Variants in ZNF674 observed in about 807,000 individuals in gnomAD.
ZNF674 encodes zinc finger family member 674.
Under a neutral mutation model 7.0 loss-of-function variants are expected in ZNF674, and 2 were observed. The observed-to-expected ratio is 0.29, with a 90% CI of 0.12 to 0.90. ZNF674 has a LOEUF of 0.90. Ranked by LOEUF, ZNF674 falls within the 40% of genes least tolerant of loss-of-function variation. The pLI, the probability that ZNF674 is intolerant of heterozygous loss-of-function variation, is 0.57. For missense variants in ZNF674, 297 were observed against 415.5 expected (o/e 0.71, Z 2.48); for synonymous variants, 103 against 145.2 (o/e 0.71, Z 2.09).
rs1556015268 is a variant in ZNF674, at chrX:46,519,264, A to AGAT, written c.238+9085_238+9086insATC. Among the ~76,000 whole-genome samples, 216 of 57,795 alleles carry AGAT rather than the reference A, an allele frequency of 3.7e-3. 1 individual carries two copies. Among genetic ancestry groups the AGAT allele is most frequent in the Non-Finnish European group, 4.3e-3 (130 of 29,918 alleles). The allele number at this position is 57,795 out of a possible 115,157, so 50.2% of individuals were successfully genotyped here. ...TAGATAGATAGATAGATAGATAGAT[A>AGAT]AAGATAGATGATAGATAGATAGATA... On this transcript the variant is annotated intron_variant, in intron 5 of 5. Transcript: ENST00000683375.
intron 5 of ZNF674, among the ~76,000 whole-genome samples, chrX:46,511,583 T>C (rs946107928): frequency 8.9e-6 from 1 of 112,404 alleles, no homozygotes; most frequent in African/African-American, 3.2e-5. Context: ...TCCCAACTCA[T>C]TTCTAAACAC....
At chrX:46,520,718 T>G (rs1435543032) in intron 5 of ZNF674, among the ~76,000 whole-genome samples, 2 of 111,215 alleles carry the variant, frequency 1.8e-5, no homozygotes, top group Non-Finnish European at 3.8e-5. Flanking sequence ...AAGAAAGAAA[T>G]AATAAAATGG....
chrX:46,506,795 A>T (rs1941548642), intron 5 of ZNF674, among the ~76,000 whole-genome samples: 1 of 111,470 alleles, frequency 9.0e-6, no homozygotes, highest in South Asian at 3.8e-4. Flanking sequence ...ACCAATGAGG[A>T]AGGGGGCATG....
At chrX:46,529,018 T>C in intron 3 of ZNF674, 109 bp from the exon 4 acceptor site, 2 of 1,181,371 alleles carry the variant, frequency 1.7e-6, no homozygotes, top group East Asian at 3.0e-5. Flanking sequence ...GTCCTTTACA[T>C]GTACTAAAGA....
intron 3 of ZNF674, among the ~76,000 whole-genome samples, chrX:46,534,807 C>G (rs1270397942): frequency 9.1e-6 from 1 of 109,390 alleles, no homozygotes; most frequent in Non-Finnish European, 1.9e-5. Context: ...GTGTTGTGAT[C>G]TCAGCTCACT....
At chrX:46,531,127 C>T (rs1349253070) in intron 3 of ZNF674, among the ~76,000 whole-genome samples, 1 of 113,170 alleles carries the variant, frequency 8.8e-6, no homozygotes, top group Non-Finnish European at 1.9e-5. Context: ...TGGGTGGGTT[C>T]AGACAGCTTC....
intron 3 of ZNF674, among the ~76,000 whole-genome samples, chrX:46,531,408 T>A (rs1942105786): frequency 8.9e-6 from 1 of 112,064 alleles, no homozygotes; most frequent in African/African-American, 3.2e-5. Context: ...GATACCCTAC[T>A]CGAGACTGGC....
intron 3 of ZNF674, among the ~76,000 whole-genome samples, chrX:46,539,678 A>C (rs1569484186): frequency 8.9e-6 from 1 of 112,625 alleles, no homozygotes; most frequent in East Asian, 2.8e-4. Context: ...TTGGTTGCCA[A>C]AACTTGGGGA....
In ZNF674 at chrX:46,500,686, A is replaced by C. The variant is rs1941406010; in HGVS notation, c.888T>G (p.Thr296=). The C allele has an allele frequency of 8.3e-7, 1 of 1,210,388 alleles. No homozygotes were observed. Among genetic ancestry groups the C allele is most frequent in the African/African-American group, 1.7e-5 (1 of 57,329 alleles). Residue 296 remains threonine (T), a synonymous_variant, in exon 6 of 6, where the codon ACT becomes ACG. Coordinates refer to ENST00000683375, the MANE Select transcript of ZNF674 (RefSeq NM_001190417.2). ...ATACAAATGGTTTCTCTCCTGTATGAGTTCGTTGATGTTTAATCAGAGTTG... is the reference window on the plus strand; with the variant it reads ...ATACAAATGGTTTCTCTCCTGTATGCGTTCGTTGATGTTTAATCAGAGTTG... ...QKSTLIKHQR[T]HTGEKPFVCD...
At chrX:46,511,960 C>G (rs1941662226) in intron 5 of ZNF674, among the ~76,000 whole-genome samples, 1 of 108,478 alleles carries the variant, frequency 9.2e-6, no homozygotes. Flanking sequence ...GAGGTGGAGG[C>G]TGCAATAAGC....
intron 5 of ZNF674, among the ~76,000 whole-genome samples, chrX:46,509,433 A>G (rs1250634302): frequency 2.8e-5 from 3 of 108,730 alleles, no homozygotes; most frequent in African/African-American, 1.0e-4. Context: ...AATTCAAACA[A>G]ATTTACAAGA....
intron 3 of ZNF674, among the ~76,000 whole-genome samples, chrX:46,540,253 AAAAG>A (rs1942270879): frequency 9.0e-6 from 1 of 111,277 alleles, no homozygotes; most frequent in Admixed American, 9.6e-5. Context: ...CAAAAAAAAA[AAAAG>A]AAAGATTCAT....
At position 46,499,703 on chromosome X, in the gene ZNF674, A is replaced by G. The variant is rs745739503; in HGVS notation, c.*140T>C. 6 of 471,872 alleles carry G rather than the reference A, an allele frequency of 1.3e-5. No individual in the cohort carries two copies. The East Asian group carries it at 1.6e-4, about 12-fold the overall frequency. 38.9% of individuals were successfully genotyped at this position (471,872 alleles called of 1,213,427 possible). ...ACTTTTGTACTTTGTATTAAGTTAAATGAACATTAACATATGAAGAATTTC... is the reference window on the plus strand; with the variant it reads ...ACTTTTGTACTTTGTATTAAGTTAAGTGAACATTAACATATGAAGAATTTC... On this transcript the variant is annotated 3_prime_UTR_variant, in exon 6 of 6. Coordinates refer to ENST00000683375, the MANE Select transcript of ZNF674 (RefSeq NM_001190417.2).
chrX:46,509,684 G>C (rs1364821466), intron 5 of ZNF674, among the ~76,000 whole-genome samples: 3 of 96,815 alleles, frequency 3.1e-5, no homozygotes, highest in Non-Finnish European at 6.2e-5. Flanking sequence ...CTTTTACACT[G>C]TTGGTGGGAC....
intron 2 of ZNF674, among the ~76,000 whole-genome samples, chrX:46,542,949 C>CT (rs201823122): frequency 0.026 from 2,654 of 102,991 alleles, 76 homozygotes; most frequent in African/African-American, 0.083. Context: ...AGCATTTATT[C>CT]TTTTTTTTGT....
rs750102635 is a variant in ZNF674 at position 46,501,908 on chromosome X, T to TTATATA, written c.239-579_239-574dup. 4.2e-3 allele frequency among the ~76,000 whole-genome samples: 440 copies of TTATATA among 104,277 alleles called. 3 individuals are homozygous for TTATATA. Among genetic ancestry groups the TTATATA allele is most frequent in the African/African-American group, 0.015 (415 of 28,166 alleles). 90.6% of individuals were successfully genotyped at this position (104,277 alleles called of 115,157 possible). ...TTAACAAGCATGGGAGCCCTTGCAGTTATATATATATATATATACACATAC... is the reference window on the plus strand; with the variant it reads ...TTAACAAGCATGGGAGCCCTTGCAGTTATATATATATATATATATATATACACATAC... On this transcript the variant is annotated intron_variant, in intron 5 of 5. Transcript: ENST00000683375.
intron 2 of ZNF674, among the ~76,000 whole-genome samples, chrX:46,544,211 T>C (rs1942339398): frequency 8.9e-6 from 1 of 112,958 alleles, no homozygotes; most frequent in South Asian, 3.6e-4. Context: ...CACTGTCACA[T>C]GGTCCTCCAT....
Position 46,501,194 on chromosome X carries a change from A to C in ZNF674, c.380T>G (p.Leu127Arg), listed in dbSNP as rs761789180. 3 of 1,210,965 alleles carry C rather than the reference A, an allele frequency of 2.5e-6. No homozygotes were observed. In the East Asian group the frequency reaches 8.9e-5, roughly 36 times the overall value. ...ECKICRKIIY[L>R]NTDFVSVKQR... Reference sequence around the variant, plus strand: ...TTTTACAGAAACAAAGTCTGTGTTGAGATAAATGATTTTTCTACATATTTT... The same window carrying C: ...TTTTACAGAAACAAAGTCTGTGTTGCGATAAATGATTTTTCTACATATTTT... The change falls in exon 6 of 6, where the codon CTC (leucine) becomes CGC (arginine). Residue 127 changes from leucine to arginine, a missense_variant. By Grantham distance (102) the Leu-to-Arg change is moderately radical (BLOSUM62 -2). Coordinates refer to ENST00000683375, the MANE Select transcript of ZNF674 (RefSeq NM_001190417.2).
In ZNF674 at chrX:46,498,024, C is replaced by T. The variant is rs1213002977; in HGVS notation, c.*1819G>A. The T allele has an allele frequency of 9.1e-6, 1 of 110,265 alleles. No individual in the cohort carries two copies. Among genetic ancestry groups the T allele is most frequent in the Non-Finnish European group, 1.9e-5 (1 of 52,665 alleles). 9.1% of individuals were successfully genotyped at this position (110,265 alleles called of 1,213,427 possible). A position where few individuals can be genotyped will look rare whatever the true frequency, so the allele number is the denominator to read the frequency against. ...CACAAAATTTTTATATGTCAACCAC[C>T]CAGAATCACTGATATAATGGTTCAT... On this transcript the variant is annotated 3_prime_UTR_variant, in exon 6 of 6. Coordinates refer to ENST00000683375, the MANE Select transcript of ZNF674 (RefSeq NM_001190417.2).
Sources: allele counts gnomAD v4.1 joint callset (sites outside exome capture counted in the v4.1 genomes callset), GRCh38; gene constraint gnomAD v4.1.1; transcripts MANE v1.5; gene names NCBI Gene and HGNC (gene_info 2026-07-23, HGNC 2026-07-21).